Variants in CFAP299 observed in about 807,000 individuals in gnomAD.
The protein encoded by CFAP299 is cilia- and flagella-associated protein 299.
In CFAP299, 21 loss-of-function variants were observed where a neutral mutation model predicts 27.0. The ratio of observed to expected loss-of-function variants is 0.78; its 90% CI spans 0.55 to 1.12. The LOEUF (loss-of-function observed/expected upper bound fraction) is 1.12. CFAP299 is among the 50% of genes most tolerant of loss of function. The pLI is 0.00. For missense variants in CFAP299, 310 were observed against 276.6 expected, an observed-to-expected ratio of 1.12 and a Z score of -0.86; for synonymous variants, 104 against 98.1, an observed-to-expected ratio of 1.06 and a Z score of -0.36.
At chr4:80,510,830 G>A (rs1214695046) in intron 2 of CFAP299, among the ~76,000 whole-genome samples, 1 of 152,196 alleles carries the variant, frequency 6.6e-6, no homozygotes, top group Non-Finnish European at 1.5e-5. Flanking sequence ...TATGTACAAT[G>A]TTAGATCCAA....
In CFAP299 at chr4:80,487,307, C is replaced by T. The variant is rs141986033; in HGVS notation, c.243-95786C>T. Among the ~76,000 whole-genome samples the T allele has an allele frequency of 3.4e-3, 519 of 152,260 alleles. 2 individuals carry two copies. Among genetic ancestry groups the T allele is most frequent in the African/African-American group, 0.012 (498 of 41,544 alleles). On this transcript the variant is annotated intron_variant, in intron 2 of 5. Transcript: ENST00000358105. The stretch of plus-strand genomic sequence containing the variant: ...ACTCTCCAAGTATGTAGCACTGTAT[C>T]ACTTCTCAGCAGGTATTTTAATTCT...
At chr4:80,568,665 A>G (rs1404668524) in intron 2 of CFAP299, among the ~76,000 whole-genome samples, 1 of 152,072 alleles carries the variant, frequency 6.6e-6, no homozygotes, top group Non-Finnish European at 1.5e-5. Context: ...TTGAAATATA[A>G]GGTACTCAGT....
At chr4:80,866,095 A>C (rs1378506360) in intron 3 of CFAP299, among the ~76,000 whole-genome samples, 6 of 126,502 alleles carry the variant, frequency 4.7e-5, no homozygotes, top group African/African-American at 8.9e-5. Context: ...ATATATATAT[A>C]TCTTCCCAAA....
chr4:80,388,694 G>T, intron 2 of CFAP299: 1 of 861,652 alleles, frequency 1.2e-6, no homozygotes, highest in South Asian at 1.4e-5. Context: ...TCCCTCCAGG[G>T]CCTTAAAGAT....
intron 2 of CFAP299, among the ~76,000 whole-genome samples, chr4:80,432,989 G>A (rs1727900879): frequency 6.6e-6 from 1 of 151,992 alleles, no homozygotes. Flanking sequence ...ATTCCTGATA[G>A]AGCACTGATT....
intron 3 of CFAP299, among the ~76,000 whole-genome samples, chr4:80,622,030 A>G (rs1738631472): frequency 6.6e-6 from 1 of 152,198 alleles, no homozygotes; most frequent in Admixed American, 6.5e-5. Flanking sequence ...GTGTCAGTTA[A>G]ACAAGTTGAG....
intron 4 of CFAP299, among the ~76,000 whole-genome samples, chr4:80,929,001 G>A (rs1736441471): frequency 6.6e-6 from 1 of 152,092 alleles, no homozygotes; most frequent in African/African-American, 2.4e-5. Flanking sequence ...TCTCTTCACA[G>A]TGCACTATTT....
chr4:80,840,220 A>T (rs1020994050), intron 3 of CFAP299, among the ~76,000 whole-genome samples: 3 of 152,160 alleles, frequency 2.0e-5, no homozygotes, highest in Non-Finnish European at 2.9e-5. Context: ...CTTGAACTAG[A>T]TGGTATATGT....
intron 2 of CFAP299, chr4:80,386,940 T>C (rs904986197): frequency 2.3e-6 from 2 of 868,578 alleles, no homozygotes; most frequent in Admixed American, 1.7e-5. Flanking sequence ...CAGTTTGAGG[T>C]AATGCACCCG....
intron 2 of CFAP299, among the ~76,000 whole-genome samples, chr4:80,576,865 T>TA (rs1177726102): frequency 1.3e-5 from 2 of 152,122 alleles, no homozygotes; most frequent in East Asian, 3.9e-4. Flanking sequence ...TTCTTTGGCT[T>TA]AAAAAAATTA....
chr4:80,930,821 T>C (rs932390469), intron 4 of CFAP299, among the ~76,000 whole-genome samples: 1 of 152,108 alleles, frequency 6.6e-6, no homozygotes, highest in Non-Finnish European at 1.5e-5. Flanking sequence ...TGGAAGGCCA[T>C]TTTTCCATCC....
chr4:80,438,173 G>T (rs1277629555), intron 2 of CFAP299, among the ~76,000 whole-genome samples: 1 of 152,128 alleles, frequency 6.6e-6, no homozygotes, highest in African/African-American at 2.4e-5. Flanking sequence ...AGAATAGAGG[G>T]GTGAGATTAG....
In CFAP299 at chr4:80,402,532, G is replaced by A. The variant is rs756789577; in HGVS notation, c.242+39648G>A. Among the ~76,000 whole-genome samples, 15 of 152,066 alleles carry A rather than the reference G, an allele frequency of 9.9e-5. 1 individual carries two copies. Among genetic ancestry groups the A allele is most frequent in the Admixed American group, 6.6e-4 (10 of 15,262 alleles). ...TTTCGTCTCCCACCATGATTCTGAG[G>A]CCTTCCTAGCCATGTGGAACTGTAA... is the stretch of plus-strand genomic sequence containing the variant. On this transcript the variant is annotated intron_variant, in intron 2 of 5. Transcript: ENST00000358105.
intron 3 of CFAP299, among the ~76,000 whole-genome samples, chr4:80,743,379 A>G (rs911032933): frequency 6.6e-6 from 1 of 152,234 alleles, no homozygotes; most frequent in Non-Finnish European, 1.5e-5. Context: ...ACATACATAC[A>G]TACATCAAAT....
rs957241966 is a variant in CFAP299 at position 80,799,615 on chromosome 4, T to C, written c.334-70378T>C. 8.5e-4 allele frequency among the ~76,000 whole-genome samples: 36 copies of C among 42,324 alleles called. 1 individual carries two copies. Among genetic ancestry groups the C allele is most frequent in the Non-Finnish European group, 1.2e-3 (31 of 26,088 alleles). The allele number at this position is 42,324 out of a possible 152,430, so 27.8% of individuals were successfully genotyped here. ...TATAAAATATATATTTTATATATTA[T>C]ATATTTATAAATATATAATATATAA... On this transcript the variant is annotated intron_variant, in intron 3 of 5. Transcript: ENST00000358105.
chr4:80,428,502 G>A (rs1042568371), intron 2 of CFAP299, among the ~76,000 whole-genome samples: 1 of 152,010 alleles, frequency 6.6e-6, no homozygotes, highest in East Asian at 1.9e-4. Flanking sequence ...TATGTTAAAA[G>A]TATTTCAGCA....
chr4:80,628,642 G>A (rs1168800902), intron 3 of CFAP299, among the ~76,000 whole-genome samples: 1 of 152,016 alleles, frequency 6.6e-6, no homozygotes, highest in Non-Finnish European at 1.5e-5. Flanking sequence ...TAGCAAGAAG[G>A]CAAACTATTC....
At chr4:80,684,247 A>G (rs1350292410) in intron 3 of CFAP299, among the ~76,000 whole-genome samples, 1 of 146,200 alleles carries the variant, frequency 6.8e-6, no homozygotes, top group Non-Finnish European at 1.5e-5. Flanking sequence ...TATTTCTGTT[A>G]TTAACTCTAA....
chr4:80,414,762 C>G (rs1726919040), intron 2 of CFAP299, among the ~76,000 whole-genome samples: 1 of 152,164 alleles, frequency 6.6e-6, no homozygotes, highest in African/African-American at 2.4e-5. Flanking sequence ...TATTACTAAC[C>G]CCCTCTGTAC....
Sources: gnomAD v4.1 joint callset for allele counts (sites outside exome capture counted in the v4.1 genomes callset) on GRCh38, gnomAD v4.1.1 for gene constraint, MANE v1.5 for transcripts, NCBI Gene and HGNC (gene_info 2026-07-23, HGNC 2026-07-21) for gene names.